Variants in TLL1 observed in about 807,000 individuals in gnomAD.
The protein encoded by TLL1 is tolloid like 1, also known as tolloid-like protein 1.
A neutral mutation model predicts 128.2 loss-of-function variants in TLL1; 49 were observed. That is an observed-to-expected ratio of 0.38 (90% CI 0.30 to 0.48). TLL1 has a LOEUF of 0.48. Among genes scored for constraint, TLL1 ranks in the 20% least tolerant of loss-of-function variants. TLL1 has a pLI of 0.96. For missense variants in TLL1, 1,123 were observed against 1,242.0 expected (o/e 0.90, Z 1.44); for synonymous variants, 454 against 418.8 (o/e 1.08, Z -1.03).
Position 166,039,452 on chromosome 4 carries a change from C to A in TLL1, c.1261+11C>A. ...AATCACCTCTCCTTGGTAAGATATC[C>A]TTTCCCTTTTATGTGGCTATGTATC... On this transcript the variant is annotated intron_variant, in intron 10 of 20. Coordinates refer to ENST00000061240, the MANE Select transcript of TLL1 (RefSeq NM_012464.5). 3 of 1,594,992 alleles carry A rather than the reference C, an allele frequency of 1.9e-6. No individual in the cohort carries two copies. The highest frequency in any genetic ancestry group is 1.7e-6 in the Non-Finnish European group (2 of 1,163,132).
intron 9 of TLL1, among the ~76,000 whole-genome samples, chr4:166,034,953 G>A (rs1355017091): frequency 6.6e-6 from 1 of 152,276 alleles, no homozygotes; most frequent in South Asian, 2.1e-4. Flanking sequence ...GGGACAAAGG[G>A]ATAAAATGAT....
At chr4:166,051,438 C>T (rs539724221) in intron 12 of TLL1, among the ~76,000 whole-genome samples, 3 of 151,990 alleles carry the variant, frequency 2.0e-5, no homozygotes, top group East Asian at 1.9e-4. Flanking sequence ...GGCATGACAT[C>T]GATGGACTTG....
intron 6 of TLL1, among the ~76,000 whole-genome samples, chr4:166,004,028 G>T (rs1216020403): frequency 6.6e-6 from 1 of 152,154 alleles, no homozygotes; most frequent in Admixed American, 6.6e-5. Context: ...CCAGTGAAAT[G>T]AGTCATTTCC....
At chr4:165,968,752 T>C (rs1270538689) in intron 1 of TLL1, among the ~76,000 whole-genome samples, 1 of 152,176 alleles carries the variant, frequency 6.6e-6, no homozygotes, top group Admixed American at 6.5e-5. Context: ...GTCGTTTTTT[T>C]CTATCTGTGA....
intron 1 of TLL1, among the ~76,000 whole-genome samples, chr4:165,879,225 C>T (rs1028038695): frequency 5.9e-5 from 9 of 152,080 alleles, no homozygotes; most frequent in African/African-American, 1.7e-4. Context: ...GCATTACAGG[C>T]GTGAGCACCC....
intron 9 of TLL1, among the ~76,000 whole-genome samples, chr4:166,027,403 A>G (rs1423327057): frequency 6.6e-6 from 1 of 152,206 alleles, no homozygotes; most frequent in Non-Finnish European, 1.5e-5. Flanking sequence ...ATGATAACTG[A>G]ATGGTATTAG....
At chr4:165,891,734 CA>C (rs1731415857) in intron 1 of TLL1, among the ~76,000 whole-genome samples, 1 of 152,182 alleles carries the variant, frequency 6.6e-6, no homozygotes, top group South Asian at 2.1e-4. Flanking sequence ...TAGGAAGTTC[CA>C]AACTTTCCCA....
chr4:165,970,511 G>T (rs1042343514), intron 1 of TLL1, among the ~76,000 whole-genome samples: 1 of 152,134 alleles, frequency 6.6e-6, no homozygotes, highest in Non-Finnish European at 1.5e-5. Context: ...TGGAGGAGGA[G>T]GTTGGGTTAA....
chr4:166,038,452 T>G (rs934503862), intron 9 of TLL1, among the ~76,000 whole-genome samples: 5 of 151,870 alleles, frequency 3.3e-5, no homozygotes, highest in Non-Finnish European at 7.4e-5. Context: ...ATCTCAGATG[T>G]TTTAAGCAGA....
At chr4:166,099,212 G>A (rs766320279) in intron 19 of TLL1, 65 bp from the exon 20 acceptor site, 3 of 1,609,906 alleles carry the variant, frequency 1.9e-6, no homozygotes, top group African/African-American at 2.7e-5. Context: ...AAACTACACT[G>A]AAATTTAAAT....
intron 1 of TLL1, among the ~76,000 whole-genome samples, chr4:165,943,230 A>T (rs1289899081): frequency 6.6e-6 from 1 of 152,092 alleles, no homozygotes; most frequent in African/African-American, 2.4e-5. Context: ...TAAAACCTGT[A>T]TTCAAAACAG....
At chr4:166,039,941 A>G (rs927330999) in intron 10 of TLL1, among the ~76,000 whole-genome samples, 1 of 152,186 alleles carries the variant, frequency 6.6e-6, no homozygotes, top group Admixed American at 6.5e-5. Context: ...TTTGCTTCTC[A>G]GAGAGTTTTC....
rs72970153 is a variant in TLL1, at chr4:165,901,054, A to G, written c.169+26981A>G. ...AGGTATTGATACTTATGTTTGCTGC[A>G]CGAAGTTCTCGTGCTGTGTTTTTTA... On this transcript the variant is annotated intron_variant, in intron 1 of 20. Transcript: ENST00000061240. Among the ~76,000 whole-genome samples the G allele has an allele frequency of 8.2e-3, 1,253 of 151,996 alleles. 11 individuals carry two copies. Among genetic ancestry groups the G allele is most frequent in the African/African-American group, 0.028 (1,158 of 41,452 alleles).
Position 165,873,917 on chromosome 4 carries a change from A to G in TLL1, c.13A>G (p.Thr5Ala), listed in dbSNP as rs745516810. 1 of 1,613,890 alleles carries G rather than the reference A, an allele frequency of 6.2e-7. No homozygotes were observed. The highest frequency in any genetic ancestry group is 1.1e-5 in the South Asian group (1 of 91,072). The change falls in exon 1 of 21, where the codon ACG becomes GCG. Residue 5 changes from threonine to alanine, a missense_variant. Transcript: ENST00000061240. MGLG[T>A]LSPRMLVWLV... ...CCGGGGGAGGAGGATGGGGTTGGGA[A>G]CGCTTTCCCCGAGGATGCTCGTGTG...
intron 12 of TLL1, among the ~76,000 whole-genome samples, chr4:166,046,822 C>G (rs1034474733): frequency 2.0e-5 from 3 of 152,244 alleles, no homozygotes; most frequent in Middle Eastern, 3.4e-3. Flanking sequence ...AACTGTAACC[C>G]TAGGAGCAAT....
At chr4:166,018,548 C>A (rs547337430) in intron 8 of TLL1, among the ~76,000 whole-genome samples, 2 of 152,222 alleles carry the variant, frequency 1.3e-5, no homozygotes, top group South Asian at 2.1e-4. Flanking sequence ...TATCCACAAA[C>A]TACACATCTG....
chr4:165,897,662 C>CTTTTTTTTTTTTTTTTTTTTTTTTTTTTT (rs951819686), intron 1 of TLL1, among the ~76,000 whole-genome samples: 5 of 47,516 alleles, frequency 1.1e-4, no homozygotes, highest in Admixed American at 3.5e-4. Context: ...GGTAGTCCAG[C>CTTTTTTTTTTTTTTTTTTTTTTTTTTTTT]TTTTTTTTTT....
At chr4:166,068,769 T>G (rs1245190728) in intron 16 of TLL1, among the ~76,000 whole-genome samples, 1 of 151,686 alleles carries the variant, frequency 6.6e-6, no homozygotes, top group Admixed American at 6.6e-5. Flanking sequence ...AACAGGAAAA[T>G]CGTAAATAAG....
At chr4:166,085,485 T>A (rs992485513) in intron 18 of TLL1, among the ~76,000 whole-genome samples, 110 of 151,868 alleles carry the variant, frequency 7.2e-4, no homozygotes, top group African/African-American at 2.3e-3. Context: ...GTTTTTTTTT[T>A]ATCATGAAAG....
Sources: allele counts gnomAD v4.1 joint callset (sites outside exome capture counted in the v4.1 genomes callset), GRCh38; gene constraint gnomAD v4.1.1; transcripts MANE v1.5; gene names NCBI Gene and HGNC (gene_info 2026-07-23, HGNC 2026-07-21).